Variants in GRID2 observed in about 807,000 individuals in gnomAD.
The protein encoded by GRID2 is glutamate receptor ionotropic, delta-2.
A neutral mutation model predicts 114.8 loss-of-function variants in GRID2; 33 were observed. That is an observed-to-expected ratio of 0.29 (90% confidence interval 0.22 to 0.38). The LOEUF is 0.38. Ranked by LOEUF, GRID2 falls within the 10% of genes least tolerant of loss-of-function variation. GRID2 has a pLI of 1.00. For missense variants in GRID2, 1,184 were observed against 1,257.7 expected, an observed-to-expected ratio of 0.94 and a Z score of 0.89; for synonymous variants, 505 against 449.9, an observed-to-expected ratio of 1.12 and a Z score of -1.55.
rs1251361641 is a variant in GRID2 at position 93,442,762 on chromosome 4, A to AC, written c.1546-12897dup. On this transcript the variant is annotated intron_variant, in intron 10 of 15. Coordinates refer to ENST00000282020, the MANE Select transcript of GRID2 (RefSeq NM_001510.4). ...GACCACTTCCCCAATTGTTTCTTTAACCCAGACCTCTCACCTGAACTACAG... is the reference window on the plus strand; with the variant it reads ...GACCACTTCCCCAATTGTTTCTTTAACCCCAGACCTCTCACCTGAACTACAG... Among the ~76,000 whole-genome samples, 6 of 152,014 alleles carry AC rather than the reference A, an allele frequency of 3.9e-5. No individual in the cohort carries two copies. In the East Asian group the frequency reaches 1.2e-3, roughly 30 times the overall value.
chr4:92,688,255 G>C (rs1560533400), intron 2 of GRID2, among the ~76,000 whole-genome samples: 1 of 150,998 alleles, frequency 6.6e-6, no homozygotes, highest in Non-Finnish European at 1.5e-5. Context: ...TCACTATTTT[G>C]GCCAGGCTGG....
intron 8 of GRID2, among the ~76,000 whole-genome samples, chr4:93,344,115 A>T (rs999948458): frequency 1.3e-5 from 2 of 152,204 alleles, no homozygotes; most frequent in East Asian, 3.9e-4. Flanking sequence ...GAAGCCTTAT[A>T]ATTGTTCCAA....
At chr4:93,037,101 A>G (rs1179935936) in intron 2 of GRID2, among the ~76,000 whole-genome samples, 8 of 152,068 alleles carry the variant, frequency 5.3e-5, no homozygotes, top group Non-Finnish European at 1.2e-4. Flanking sequence ...AATTGTTTTT[A>G]TTTTACTTCG....
chr4:93,238,532 A>G (rs1425953216), intron 8 of GRID2, 42 bp downstream of exon 8: 9 of 1,517,028 alleles, frequency 5.9e-6, no homozygotes, highest in South Asian at 1.1e-5. Flanking sequence ...TTCCTATACT[A>G]TGGTTTTGCT....
intron 1 of GRID2, among the ~76,000 whole-genome samples, chr4:92,474,014 G>A (rs185658958): frequency 1.4e-5 from 2 of 146,048 alleles, no homozygotes; most frequent in Admixed American, 6.9e-5. Context: ...GTACGTATGC[G>A]ATGACAACAA....
At position 93,062,415 on chromosome 4, in the gene GRID2, C is replaced by A. The variant is rs141653719; in HGVS notation, c.245-22580C>A. ...ATCCATACAAAGATATGAAGAGAAT[C>A]ATATTTGCTTATCTCTTATATAATG... On this transcript the variant is annotated intron_variant, in intron 2 of 15. Transcript: ENST00000282020. Among the ~76,000 whole-genome samples, 651 of 152,132 alleles carry A rather than the reference C, an allele frequency of 4.3e-3. 8 individuals carry two copies. The highest frequency in any genetic ancestry group is 0.015 in the African/African-American group (632 of 41,550).
At chr4:92,358,652 A>T (rs1051183561) in intron 1 of GRID2, among the ~76,000 whole-genome samples, 2 of 151,948 alleles carry the variant, frequency 1.3e-5, no homozygotes, top group African/African-American at 4.8e-5. Flanking sequence ...ACTTTGTGCC[A>T]ATTGCTAGAT....
intron 1 of GRID2, among the ~76,000 whole-genome samples, chr4:92,320,589 C>T (rs912615089): frequency 2.4e-4 from 37 of 151,998 alleles, no homozygotes; most frequent in Admixed American, 1.1e-3. Context: ...ATTCTCTTGC[C>T]TCAGCCTCCC....
intron 5 of GRID2, among the ~76,000 whole-genome samples, chr4:93,209,160 T>C (rs1743161050): frequency 1.3e-5 from 2 of 151,958 alleles, no homozygotes; most frequent in African/African-American, 2.4e-5. Flanking sequence ...TAAACTCGTG[T>C]CATGGGGGTT....
At chr4:93,501,484 T>C (rs976678012) in intron 12 of GRID2, among the ~76,000 whole-genome samples, 1 of 152,072 alleles carries the variant, frequency 6.6e-6, no homozygotes, top group Non-Finnish European at 1.5e-5. Flanking sequence ...GACATTCATC[T>C]CCTTACTCTC....
chr4:92,373,504 C>G (rs931608582), intron 1 of GRID2, among the ~76,000 whole-genome samples: 5 of 152,200 alleles, frequency 3.3e-5, no homozygotes, highest in African/African-American at 1.2e-4. Flanking sequence ...GGCTTTTTCT[C>G]TTTCTCATGT....
At chr4:92,696,297 C>G (rs1054933518) in intron 2 of GRID2, among the ~76,000 whole-genome samples, 6 of 152,058 alleles carry the variant, frequency 3.9e-5, no homozygotes, top group Admixed American at 1.3e-4. Context: ...CTAATCTGTT[C>G]AGACTATTTT....
intron 14 of GRID2, among the ~76,000 whole-genome samples, chr4:93,737,238 G>T (rs879487167): frequency 6.6e-6 from 1 of 151,944 alleles, no homozygotes; most frequent in East Asian, 1.9e-4. Context: ...TTCACAACAC[G>T]TTATCTCTGT....
In GRID2 at chr4:92,899,200, CATT is replaced by C. The variant is rs557310300; in HGVS notation, c.245-185791_245-185789del. 2.1e-3 allele frequency among the ~76,000 whole-genome samples: 323 copies of C among 152,072 alleles called. 2 individuals carry two copies. Among genetic ancestry groups the C allele is most frequent in the Middle Eastern group, 0.01 (3 of 292 alleles). ...ATTTATACTTTATATAATCTATAAA[CATT>C]ATTCTTTTATAATTGTTTTTAGTTT... On this transcript the variant is annotated intron_variant, in intron 2 of 15. Transcript: ENST00000282020.
At chr4:92,507,388 G>T (rs1388684135) in intron 1 of GRID2, among the ~76,000 whole-genome samples, 1 of 149,144 alleles carries the variant, frequency 6.7e-6, no homozygotes, top group East Asian at 2.0e-4. Context: ...CTACTCCACT[G>T]CTACTAATGT....
At chr4:92,802,696 G>A (rs1400474017) in intron 2 of GRID2, among the ~76,000 whole-genome samples, 2 of 151,774 alleles carry the variant, frequency 1.3e-5, no homozygotes, top group African/African-American at 4.8e-5. Context: ...TCCCTATTGT[G>A]TTTCCCAGCT....
At chr4:92,958,514 A>T (rs1752580358) in intron 2 of GRID2, among the ~76,000 whole-genome samples, 3 of 152,128 alleles carry the variant, frequency 2.0e-5, no homozygotes. Context: ...TATCCGGGAT[A>T]AATCCCACTT....
intron 1 of GRID2, among the ~76,000 whole-genome samples, chr4:92,500,016 A>AT (rs1387620200): frequency 2.6e-5 from 4 of 152,142 alleles, no homozygotes; most frequent in Non-Finnish European, 5.9e-5. Flanking sequence ...TTTCATTAAT[A>AT]TTTTTCCCAT....
At chr4:93,159,300 G>A (rs999108399) in intron 4 of GRID2, among the ~76,000 whole-genome samples, 8 of 151,758 alleles carry the variant, frequency 5.3e-5, no homozygotes, top group African/African-American at 1.9e-4. Context: ...TCCAACCAAT[G>A]TTTCAAGGAG....
Sources: allele counts gnomAD v4.1 joint callset (sites outside exome capture counted in the v4.1 genomes callset), GRCh38; gene constraint gnomAD v4.1.1; transcripts MANE v1.5; gene names NCBI Gene and HGNC (gene_info 2026-07-23, HGNC 2026-07-21).